The following ZNF423 variants were observed in gnomAD, a reference collection of about 807,000 sequenced individuals.
ZNF423 encodes zinc finger protein 423, also known as Ebf-associated zinc finger protein.
A neutral mutation model predicts 95.8 loss-of-function variants in ZNF423; 12 were observed. The observed-to-expected ratio is 0.13, with a 90% confidence interval of 0.08 to 0.20. The LOEUF is 0.20. Among genes scored for constraint, ZNF423 ranks in the 10% least tolerant of loss-of-function variants. The pLI, the probability that ZNF423 is intolerant of heterozygous loss-of-function variation, is 1.00. For synonymous variants in ZNF423, 749 were observed against 711.9 expected, an observed-to-expected ratio of 1.05 and a Z score of -0.83; for missense variants, 1,316 against 1,737.1, an observed-to-expected ratio of 0.76 and a Z score of 4.31.
At chr16:49,727,237 C>T (rs1162902698) in intron 3 of ZNF423, among the ~76,000 whole-genome samples, 1 of 152,110 alleles carries the variant, frequency 6.6e-6, no homozygotes, top group Non-Finnish European at 1.5e-5. Flanking sequence ...GCTCATGGGC[C>T]CGGCATGCCA....
At chr16:49,801,156 C>A (rs1283991683) in intron 1 of ZNF423, among the ~76,000 whole-genome samples, 1 of 152,208 alleles carries the variant, frequency 6.6e-6, no homozygotes, top group African/African-American at 2.4e-5. Flanking sequence ...ACGTTGGCAG[C>A]CCCGGGGGAC....
intron 3 of ZNF423, among the ~76,000 whole-genome samples, chr16:49,691,931 CT>C (rs2031798320): frequency 1.3e-5 from 2 of 151,696 alleles, no homozygotes; most frequent in African/African-American, 4.8e-5. Context: ...CATTTCTTTT[CT>C]TATTTTGTTT....
intron 1 of ZNF423, among the ~76,000 whole-genome samples, chr16:49,801,572 C>A (rs148517640): frequency 8.9e-4 from 135 of 152,270 alleles, no homozygotes; most frequent in Non-Finnish European, 1.5e-3. Flanking sequence ...CAAAGTAATT[C>A]TCAGAATATA....
chr16:49,571,853 G>A (rs1320977661), intron 5 of ZNF423, among the ~76,000 whole-genome samples: 1 of 152,202 alleles, frequency 6.6e-6, no homozygotes, highest in Non-Finnish European at 1.5e-5. Flanking sequence ...ACTGCAGAGG[G>A]CAAGTTGGGT....
chr16:49,636,620 C>A lies in ZNF423; in HGVS notation c.2556G>T (p.Gly852=), dbSNP rs1972724400. ...DAATENGTAN[G]VPPMATKKAE... Reference sequence around the variant, plus strand: ...CTTTCTTGGTGGCCATTGGGGGTACCCCATTGGCCGTGCCGTTCTCGGTCG... The same window carrying A: ...CTTTCTTGGTGGCCATTGGGGGTACACCATTGGCCGTGCCGTTCTCGGTCG... Residue 852 remains glycine (G), a synonymous_variant, in exon 4 of 8, where the codon GGG becomes GGT. Coordinates refer to ENST00000563137, the MANE Select transcript of ZNF423 (RefSeq NM_001379286.1). The surrounding 1 kb of genome is among the most constrained non-coding windows in gnomAD (Gnocchi z 8.6). 6.2e-7 allele frequency: 1 copy of A among 1,613,814 alleles called. No individual in the cohort carries two copies. The highest frequency in any genetic ancestry group is 1.1e-5 in the South Asian group (1 of 91,068).
chr16:49,529,130 CTT>C (rs34615288), intron 5 of ZNF423, among the ~76,000 whole-genome samples: 13 of 144,490 alleles, frequency 9.0e-5, no homozygotes, highest in African/African-American at 1.5e-4. Context: ...TTTTCTGTGC[CTT>C]TTTTTTTTTT....
intron 5 of ZNF423, among the ~76,000 whole-genome samples, chr16:49,530,239 A>G (rs1176742637): frequency 6.6e-6 from 1 of 152,032 alleles, no homozygotes; most frequent in Non-Finnish European, 1.5e-5. Flanking sequence ...TGAGACCCCC[A>G]GACCATCCCA....
chr16:49,564,537 T>C (rs1970125494), intron 5 of ZNF423, among the ~76,000 whole-genome samples: 2 of 152,188 alleles, frequency 1.3e-5, no homozygotes, highest in Admixed American at 1.3e-4. Context: ...GCCCCCATGT[T>C]GTAGCCAGGG....
At chr16:49,768,521 G>A (rs2033971594) in intron 2 of ZNF423, among the ~76,000 whole-genome samples, 1 of 152,130 alleles carries the variant, frequency 6.6e-6, no homozygotes, top group African/African-American at 2.4e-5. Flanking sequence ...CCTGCCTGGT[G>A]ACCCTGTCCT....
intron 2 of ZNF423, among the ~76,000 whole-genome samples, chr16:49,757,621 CA>C (rs2033751242): frequency 6.6e-6 from 1 of 152,178 alleles, no homozygotes; most frequent in Non-Finnish European, 1.5e-5. Flanking sequence ...ACACCCAAAC[CA>C]AGCCAGACAC....
At chr16:49,684,144 C>T (rs1358833528) in intron 3 of ZNF423, among the ~76,000 whole-genome samples, 1 of 152,110 alleles carries the variant, frequency 6.6e-6, no homozygotes, top group East Asian at 1.9e-4. Flanking sequence ...ACCGTGAACT[C>T]CCTGGGCAAA....
intron 1 of ZNF423, among the ~76,000 whole-genome samples, chr16:49,807,529 CG>C (rs1019518606): frequency 6.6e-5 from 10 of 152,140 alleles, no homozygotes; most frequent in African/African-American, 2.4e-4. Flanking sequence ...AAAGACACCC[CG>C]GGGTAGGGGC....
chr16:49,696,857 G>A (rs1428303422), intron 3 of ZNF423, among the ~76,000 whole-genome samples: 1 of 152,202 alleles, frequency 6.6e-6, no homozygotes, highest in African/African-American at 2.4e-5. Flanking sequence ...CCAGCCCCCT[G>A]TCTCCTCTCC....
chr16:49,632,351 T>A (rs569469803), intron 4 of ZNF423, among the ~76,000 whole-genome samples: 28 of 151,816 alleles, frequency 1.8e-4, no homozygotes, highest in Admixed American at 1.8e-3. Context: ...CTTACATGAG[T>A]GGGTCCTCAG....
intron 5 of ZNF423, among the ~76,000 whole-genome samples, chr16:49,609,131 G>A (rs1028363303): frequency 6.6e-6 from 1 of 152,136 alleles, no homozygotes; most frequent in Non-Finnish European, 1.5e-5. Context: ...TACCACGACT[G>A]CTCAGAGAGG....
At chr16:49,531,270 C>T (rs1597060215) in intron 5 of ZNF423, among the ~76,000 whole-genome samples, 1 of 151,390 alleles carries the variant, frequency 6.6e-6, no homozygotes, top group East Asian at 1.9e-4. Context: ...CCAGGGACAG[C>T]CTGCGGCCTG....
At chr16:49,503,907 G>A (rs538241870) in intron 7 of ZNF423, among the ~76,000 whole-genome samples, 36 of 152,328 alleles carry the variant, frequency 2.4e-4, no homozygotes, top group African/African-American at 8.2e-4. Context: ...CCGCTCCACT[G>A]TCTTCCCCAT....
At chr16:49,632,713 T>G (rs528622331) in intron 4 of ZNF423, among the ~76,000 whole-genome samples, 1 of 152,186 alleles carries the variant, frequency 6.6e-6, no homozygotes, top group Non-Finnish European at 1.5e-5. Context: ...GCAAGGTTCC[T>G]GGATTGTTGC....
chr16:49,584,417 C>G (rs1970760515), intron 5 of ZNF423, among the ~76,000 whole-genome samples: 1 of 152,194 alleles, frequency 6.6e-6, no homozygotes, highest in Admixed American at 6.5e-5. Context: ...GGCTGCTGAA[C>G]TTTGGTTTTC....
Sources: allele counts gnomAD v4.1 joint callset (sites outside exome capture counted in the v4.1 genomes callset), GRCh38; gene constraint gnomAD v4.1.1; non-coding constraint Gnocchi (gnomAD v3.1); transcripts MANE v1.5; gene names NCBI Gene and HGNC (gene_info 2026-07-23, HGNC 2026-07-21).